Variants in MALRD1 observed in about 807,000 individuals in gnomAD.
MALRD1 encodes the protein MAM and LDL-receptor class A domain-containing protein 1.
A neutral mutation model predicts 242.1 loss-of-function variants in MALRD1; 247 were observed. The observed-to-expected ratio is 1.02, with a 90% CI of 0.92 to 1.13. The LOEUF (loss-of-function observed/expected upper bound fraction) is 1.13, where lower values mean the gene tolerates loss of function less well. Among genes scored for constraint, MALRD1 ranks in the 50% most tolerant of loss-of-function variants. The pLI is 0.00. For synonymous variants in MALRD1, 995 were observed against 866.6 expected (o/e 1.15, Z -2.60); for missense variants, 2,989 against 2,533.1 (o/e 1.18, Z -3.86).
intron 36 of MALRD1, among the ~76,000 whole-genome samples, chr10:19,641,732 G>A (rs1159110920): frequency 1.3e-5 from 2 of 152,130 alleles, no homozygotes; most frequent in East Asian, 3.8e-4. Context: ...CCTTATGCAA[G>A]CTCATTAGTT....
intron 38 of MALRD1, among the ~76,000 whole-genome samples, chr10:19,727,541 A>G (rs1460624194): frequency 2.6e-5 from 4 of 152,184 alleles, no homozygotes; most frequent in African/African-American, 9.7e-5. Context: ...TAAACTTAAT[A>G]ATAATTTATA....
At chr10:19,100,752 T>C (rs1381216057) in intron 4 of MALRD1, among the ~76,000 whole-genome samples, 1 of 152,166 alleles carries the variant, frequency 6.6e-6, no homozygotes, top group African/African-American at 2.4e-5. Flanking sequence ...ACATTTGTTA[T>C]GTAAGTTTCT....
intron 21 of MALRD1, among the ~76,000 whole-genome samples, chr10:19,284,078 A>G (rs2499064): frequency 0.99 from 150,546 of 152,300 alleles, 74,409 homozygotes; most frequent in Middle Eastern, 1. Flanking sequence ...CCAGGACCAT[A>G]CAGGAAGACC....
intron 36 of MALRD1, among the ~76,000 whole-genome samples, chr10:19,627,971 T>C (rs552815903): frequency 1.3e-5 from 2 of 150,864 alleles, no homozygotes; most frequent in Non-Finnish European, 3.0e-5. Context: ...AAAACAAAAT[T>C]ATGTAACAGA....
At chr10:19,405,485 C>G (rs985818224) in intron 28 of MALRD1, among the ~76,000 whole-genome samples, 3 of 152,172 alleles carry the variant, frequency 2.0e-5, no homozygotes, top group African/African-American at 4.8e-5. Flanking sequence ...ACTTGATCAT[C>G]TGCTATAATC....
intron 8 of MALRD1, 76 bp downstream of exon 8, chr10:19,128,463 T>G (rs1229546596): frequency 6.9e-6 from 7 of 1,008,902 alleles, no homozygotes; most frequent in Non-Finnish European, 7.6e-6. Context: ...TGTGTTTCGA[T>G]TTCTCAGTTG....
Position 19,175,266 on chromosome 10 carries a change from G to A in MALRD1, c.1889G>A (p.Ser630Asn). Residue 630 changes from serine to asparagine, a missense_variant, in exon 14 of 40, where the codon AGT becomes AAT. Transcript: ENST00000454679. ...SNATVALDDI[S>N]VSQECEISYK... ...GCTACCGTTGCTCTAGATGACATCA[G>A]TGTGTCCCAGGAATGTGAAATTTCC... is the stretch of plus-strand genomic sequence containing the variant. 8.1e-7 allele frequency: 1 copy of A among 1,230,614 alleles called. No homozygotes were observed. The highest frequency in any genetic ancestry group is 1.6e-5 in the African/African-American group (1 of 64,480). The allele number at this position is 1,230,614 out of a possible 1,614,324, so 76.2% of individuals were successfully genotyped here. A position where few individuals can be genotyped will look rare whatever the true frequency, so the allele number is the denominator to read the frequency against.
chr10:19,580,422 G>A (rs1739787154), intron 33 of MALRD1, among the ~76,000 whole-genome samples: 1 of 152,118 alleles, frequency 6.6e-6, no homozygotes, highest in African/African-American at 2.4e-5. Flanking sequence ...GAAGAACTCT[G>A]ATAATAGGGT....
chr10:19,589,926 T>C (rs1285442363), intron 33 of MALRD1, among the ~76,000 whole-genome samples: 1 of 152,190 alleles, frequency 6.6e-6, no homozygotes, highest in Admixed American at 6.5e-5. Flanking sequence ...TTGTCTCGCA[T>C]AATGAACAAC....
intron 26 of MALRD1, among the ~76,000 whole-genome samples, chr10:19,358,208 G>GTGTGTGTGTT (rs1844724017): frequency 2.0e-5 from 3 of 151,414 alleles, no homozygotes; most frequent in African/African-American, 7.3e-5. Flanking sequence ...GTGTGTGTGT[G>GTGTGTGTGTT]TGTGTGTGTG....
intron 1 of MALRD1, among the ~76,000 whole-genome samples, chr10:19,061,510 AAAGT>A (rs1484104409): frequency 6.6e-6 from 1 of 152,154 alleles, no homozygotes; most frequent in African/African-American, 2.4e-5. Context: ...GGAAAAGAAG[AAAGT>A]AAGAGGTCTA....
At chr10:19,281,963 CA>C (rs149370838) in intron 20 of MALRD1, among the ~76,000 whole-genome samples, 29,558 of 80,016 alleles carry the variant, frequency 0.37, 2,106 homozygotes, top group Admixed American at 0.47. Context: ...ACGATGTCTC[CA>C]AAAAAAAAAA....
At chr10:19,630,988 C>A (rs1644533895) in intron 36 of MALRD1, among the ~76,000 whole-genome samples, 1 of 152,030 alleles carries the variant, frequency 6.6e-6, no homozygotes, top group South Asian at 2.1e-4. Flanking sequence ...GTCTTGACTG[C>A]CCTTTGAAAA....
Position 19,128,246 on chromosome 10 carries a change from G to A in MALRD1, c.969G>A (p.Lys323=). 5.7e-6 allele frequency: 7 copies of A among 1,233,450 alleles called. No individual in the cohort carries two copies. The highest frequency in any genetic ancestry group is 7.1e-6 in the Non-Finnish European group (7 of 987,844). The allele number at this position is 1,233,450 out of a possible 1,614,324, so 76.4% of individuals were successfully genotyped here. Residue 323 remains lysine (K), a synonymous_variant, in exon 8 of 40, where the codon AAG becomes AAA. Coordinates refer to ENST00000454679, the MANE Select transcript of MALRD1 (RefSeq NM_001142308.3). ...GTTATTATGTATGGGTAGGCGCTAA[G>A]CATGGTTTCACTCTTAACCATTTAG... ...DEGYYVWVGA[K]HGFTLNHLDS...
At position 19,373,007 on chromosome 10, in the gene MALRD1, G is replaced by T. The variant is rs547800152; in HGVS notation, c.4442-14521G>T. Reference sequence around the variant, plus strand: ...TAATTACATAAATATGGATGTTCATGTGAATGAAAGTTCCCTGGCCATGCT... The same window carrying T: ...TAATTACATAAATATGGATGTTCATTTGAATGAAAGTTCCCTGGCCATGCT... On this transcript the variant is annotated intron_variant, in intron 26 of 39. Transcript: ENST00000454679. 3.9e-5 allele frequency among the ~76,000 whole-genome samples: 6 copies of T among 151,982 alleles called. No homozygotes were observed. The South Asian group carries it at 8.3e-4, about 21-fold the overall frequency.
At chr10:19,131,712 T>C (rs1833116306) in intron 8 of MALRD1, among the ~76,000 whole-genome samples, 1 of 152,194 alleles carries the variant, frequency 6.6e-6, no homozygotes, top group Non-Finnish European at 1.5e-5. Context: ...GACTGGCATC[T>C]CTAAGAGATA....
intron 28 of MALRD1, among the ~76,000 whole-genome samples, chr10:19,402,472 C>T (rs911701316): frequency 1.3e-5 from 2 of 152,054 alleles, no homozygotes; most frequent in African/African-American, 4.8e-5. Flanking sequence ...CTGCCTGCCA[C>T]CATGTAAAAC....
At chr10:19,096,804 T>C (rs1440663618) in intron 4 of MALRD1, among the ~76,000 whole-genome samples, 1 of 152,180 alleles carries the variant, frequency 6.6e-6, no homozygotes, top group Non-Finnish European at 1.5e-5. Flanking sequence ...ATCCTTCCTT[T>C]AAAAATGTCC....
intron 28 of MALRD1, among the ~76,000 whole-genome samples, chr10:19,402,471 A>G (rs987277944): frequency 6.6e-6 from 1 of 152,050 alleles, no homozygotes; most frequent in African/African-American, 2.4e-5. Flanking sequence ...CCTGCCTGCC[A>G]CCATGTAAAA....
Sources: allele counts gnomAD v4.1 joint callset (sites outside exome capture counted in the v4.1 genomes callset), GRCh38; gene constraint gnomAD v4.1.1; transcripts MANE v1.5; gene names NCBI Gene and HGNC (gene_info 2026-07-23, HGNC 2026-07-21).